The following SATL1 variants were observed in gnomAD, a reference collection of about 807,000 sequenced individuals.
SATL1 encodes spermidine/spermine N1-acetyl transferase like 1.
SATL1 carries 47 observed loss-of-function variants against 51.8 expected under a neutral mutation model. The ratio of observed to expected loss-of-function variants is 0.91; its 90% CI spans 0.72 to 1.16. The LOEUF (loss-of-function observed/expected upper bound fraction) is 1.16. SATL1 is among the 50% of genes most tolerant of loss of function. SATL1 has a pLI of 0.00. For missense variants in SATL1, 520 were observed against 526.4 expected, an observed-to-expected ratio of 0.99 and a Z score of 0.12; for synonymous variants, 176 against 182.4, an observed-to-expected ratio of 0.97 and a Z score of 0.28.
At chrX:85,188,144 C>T (rs1927354295) in intron 2 of SATL1, among the ~76,000 whole-genome samples, 1 of 111,573 alleles carries the variant, frequency 9.0e-6, no homozygotes, top group Non-Finnish European at 1.9e-5. Flanking sequence ...CAAAGAAATG[C>T]TGTACATAAA....
At chrX:85,151,487 A>C (rs1329781409) in intron 2 of SATL1, among the ~76,000 whole-genome samples, 4 of 111,695 alleles carry the variant, frequency 3.6e-5, no homozygotes, top group Admixed American at 1.9e-4. Flanking sequence ...ATATGGAACC[A>C]AAAAGGAGCC....
chrX:85,187,609 A>G (rs998465276), intron 2 of SATL1, among the ~76,000 whole-genome samples: 11 of 111,764 alleles, frequency 9.8e-5, no homozygotes, highest in Non-Finnish European at 1.7e-4. Flanking sequence ...TGTTAATGTA[A>G]TATATCACAT....
intron 2 of SATL1, among the ~76,000 whole-genome samples, chrX:85,216,451 T>A (rs764338108): frequency 9.0e-6 from 1 of 111,235 alleles, no homozygotes; most frequent in South Asian, 3.9e-4. Flanking sequence ...CATCTGGAGT[T>A]TGGGTCCTCT....
intron 4 of SATL1, among the ~76,000 whole-genome samples, chrX:85,099,543 A>T (rs1004060404): frequency 1.8e-5 from 2 of 111,690 alleles, no homozygotes; most frequent in African/African-American, 6.5e-5. Flanking sequence ...TAAAGGGATT[A>T]TTCACCATAA....
chrX:85,180,001 A>G, intron 2 of SATL1, among the ~76,000 whole-genome samples: 1 of 110,607 alleles, frequency 9.0e-6, no homozygotes, highest in Non-Finnish European at 1.9e-5. Context: ...ATACATTACC[A>G]TTTAATCCTC....
chrX:85,185,635 G>T (rs1268377624), intron 2 of SATL1, among the ~76,000 whole-genome samples: 3 of 111,521 alleles, frequency 2.7e-5, no homozygotes, highest in African/African-American at 9.8e-5. Flanking sequence ...AGCACTGCCT[G>T]GCTACCACTG....
At chrX:85,147,515 C>A (rs1926287779) in intron 2 of SATL1, among the ~76,000 whole-genome samples, 1 of 114,219 alleles carries the variant, frequency 8.8e-6, no homozygotes, top group African/African-American at 3.2e-5. Context: ...GGCAGACTGC[C>A]TCCTCAAGTG....
Position 85,147,251 on chromosome X carries a change from G to A in SATL1, c.-312-37971C>T, listed in dbSNP as rs764650650. ...GCAGTCTGAGATCAAACTGAAAGGCGACAGCAAGGCTGGGGGAGGGGTGCC... is the reference window on the plus strand; with the variant it reads ...GCAGTCTGAGATCAAACTGAAAGGCAACAGCAAGGCTGGGGGAGGGGTGCC... On this transcript the variant is annotated intron_variant, in intron 2 of 7. Coordinates refer to ENST00000644105, the MANE Select transcript of SATL1 (RefSeq NM_001367857.2). Among the ~76,000 whole-genome samples, 3 of 113,674 alleles carry A rather than the reference G, an allele frequency of 2.6e-5. No homozygotes were observed. The South Asian group carries it at 1.1e-3, about 40-fold the overall frequency.
intron 2 of SATL1, among the ~76,000 whole-genome samples, chrX:85,174,920 C>T (rs1927054422): frequency 1.8e-5 from 2 of 111,244 alleles, no homozygotes; most frequent in Non-Finnish European, 3.8e-5. Context: ...CTATATGGTA[C>T]GGAGGCATTA....
chrX:85,241,064 G>A (rs1035419075), intron 1 of SATL1, among the ~76,000 whole-genome samples: 2 of 110,424 alleles, frequency 1.8e-5, no homozygotes, highest in Non-Finnish European at 3.8e-5. Flanking sequence ...CCTTTTACGT[G>A]GGATAGTATT....
At chrX:85,196,328 T>C (rs1312106346) in intron 2 of SATL1, among the ~76,000 whole-genome samples, 2 of 111,467 alleles carry the variant, frequency 1.8e-5, no homozygotes, top group South Asian at 7.5e-4. Context: ...CCTTAATAAA[T>C]GAAAAGACAT....
At chrX:85,152,134 A>G (rs1270186810) in intron 2 of SATL1, among the ~76,000 whole-genome samples, 2 of 111,604 alleles carry the variant, frequency 1.8e-5, no homozygotes, top group Non-Finnish European at 3.8e-5. Context: ...AAAACAAACA[A>G]TCCCATCAAA....
At chrX:85,162,138 C>G (rs769155674) in intron 2 of SATL1, among the ~76,000 whole-genome samples, 1 of 111,558 alleles carries the variant, frequency 9.0e-6, no homozygotes, top group Non-Finnish European at 1.9e-5. Flanking sequence ...CACAACATAC[C>G]AGAATCTCTG....
Position 85,161,247 on chromosome X carries a change from G to A in SATL1, c.-312-51967C>T, listed in dbSNP as rs374049699. On this transcript the variant is annotated intron_variant, in intron 2 of 7. Coordinates refer to ENST00000644105, the MANE Select transcript of SATL1 (RefSeq NM_001367857.2). ...CAGTGACACTATAAAGGAACCACACGAACAAGTCTGCATAATAACATCTAA... is the reference window on the plus strand; with the variant it reads ...CAGTGACACTATAAAGGAACCACACAAACAAGTCTGCATAATAACATCTAA... Among the ~76,000 whole-genome samples, 49 of 110,954 alleles carry A rather than the reference G, an allele frequency of 4.4e-4. No homozygotes were observed. In the East Asian group the frequency reaches 0.011, roughly 26 times the overall value.
At position 85,107,918 on chromosome X, in the gene SATL1, G is replaced by C. The variant is rs748435069; in HGVS notation, c.1051C>G (p.Pro351Ala). Residue 351 changes from proline to alanine, a missense_variant, in exon 3 of 8, where the codon CCA becomes GCA. Physicochemically the swap from Pro to Ala is conservative, Grantham distance 27 (BLOSUM62 -1). Around this residue, in one of 3 missense-constraint regions of SATL1, gnomAD observed 488 missense variants for 474.3 expected, o/e 1.03. Coordinates refer to ENST00000644105, the MANE Select transcript of SATL1 (RefSeq NM_001367857.2). Reference sequence around the variant, plus strand: ...GATTGGCTTGGGGCTCGTTGCGGTGGACCTGGTTGGCTTATGCTTGCTTCA... The same window carrying C: ...GATTGGCTTGGGGCTCGTTGCGGTGCACCTGGTTGGCTTATGCTTGCTTCA... ...LSEASISQPGPPQRAPSQSGP... is the reference protein window; with the variant it reads ...LSEASISQPGAPQRAPSQSGP... 4.2e-5 allele frequency: 51 copies of C among 1,206,056 alleles called. No homozygotes were observed. In the South Asian group the frequency reaches 9.0e-4, roughly 21 times the overall value.
At chrX:85,221,332 C>T (rs887758903) in intron 2 of SATL1, among the ~76,000 whole-genome samples, 4 of 111,670 alleles carry the variant, frequency 3.6e-5, no homozygotes, top group Non-Finnish European at 7.5e-5. Flanking sequence ...AATCTTATGC[C>T]ATCCTCCCAT....
rs758459626 is a variant in SATL1, at chrX:85,107,369, C to T, written c.1600G>A (p.Ala534Thr). 2.7e-5 allele frequency: 33 copies of T among 1,212,295 alleles called. No individual in the cohort carries two copies. In the South Asian group the frequency reaches 4.2e-4, roughly 15 times the overall value. The change falls in exon 3 of 8, where the codon GCA (alanine) becomes ACA (threonine). Residue 534 changes from alanine to threonine, a missense_variant. Ala to Thr is a moderately conservative substitution (Grantham distance 58). Coordinates refer to ENST00000644105, the MANE Select transcript of SATL1 (RefSeq NM_001367857.2). Reference protein sequence around the residue: ...TSMDYFQIRHAEAGDCPEILR... With the variant: ...TSMDYFQIRHTEAGDCPEILR... ...ATTTCTGGGCAGTCTCCAGCCTCTG[C>T]ATGTCTTATTTGAAAGTAATCCATG...
At position 85,227,961 on chromosome X, in the gene SATL1, T is replaced by C. The variant is rs145451994; in HGVS notation, c.-434-3635A>G. Among the ~76,000 whole-genome samples the C allele has an allele frequency of 8.3e-3, 924 of 111,327 alleles. 12 individuals are homozygous for C. The highest frequency in any genetic ancestry group is 0.028 in the African/African-American group (871 of 30,725). ...CTTAGAGTTGTAATAATATGATACA[T>C]GGGATTTACTTCAAAATAATCTGGG... is the stretch of plus-strand genomic sequence containing the variant. On this transcript the variant is annotated intron_variant, in intron 1 of 7. Coordinates refer to ENST00000644105, the MANE Select transcript of SATL1 (RefSeq NM_001367857.2).
chrX:85,156,297 G>A (rs771692660), intron 2 of SATL1: 1 of 111,437 alleles, frequency 9.0e-6, no homozygotes, highest in Non-Finnish European at 1.9e-5. Context: ...ATCCTATGTC[G>A]TTGTTGTTTT....
Sources: gnomAD v4.1 joint callset for allele counts (sites outside exome capture counted in the v4.1 genomes callset) on GRCh38, gnomAD v4.1.1 for gene constraint, gnomAD v4.1.1 regional missense constraint, MANE v1.5 for transcripts, NCBI Gene and HGNC (gene_info 2026-07-23, HGNC 2026-07-21) for gene names.